Variants in RNF144A observed in about 807,000 individuals in gnomAD.
RNF144A encodes ring finger protein 144A.
A neutral mutation model predicts 38.7 loss-of-function variants in RNF144A; 11 were observed. The observed-to-expected ratio is 0.28, with a 90% confidence interval of 0.18 to 0.47. RNF144A has a LOEUF of 0.47. RNF144A is among the 20% of genes least tolerant of loss of function. The probability of loss-of-function intolerance (pLI) is 0.99; values close to 1 mark genes in which losing one functional copy is unlikely to be tolerated. For missense variants in RNF144A, 316 were observed against 377.2 expected (o/e 0.84, Z 1.34); for synonymous variants, 149 against 143.9 (o/e 1.04, Z -0.25).
chr2:6,994,982 C>T (rs1443382517), intron 2 of RNF144A, among the ~76,000 whole-genome samples: 2 of 152,144 alleles, frequency 1.3e-5, no homozygotes, highest in African/African-American at 4.8e-5. Context: ...TGTCACTGGG[C>T]CCCATCTGCT....
downstream of RNF144A, among the ~76,000 whole-genome samples, chr2:7,069,606 G>A (rs1238570674): frequency 1.3e-5 from 2 of 151,654 alleles, no homozygotes; most frequent in South Asian, 2.1e-4. Context: ...GTTCTTATTC[G>A]GGCAGCTTAA....
chr2:6,924,983 G>T, intron 1 of RNF144A, among the ~76,000 whole-genome samples: 1 of 152,196 alleles, frequency 6.6e-6, no homozygotes, highest in East Asian at 1.9e-4. Flanking sequence ...TTTGACGGAT[G>T]GAGAATGTCA....
chr2:6,991,742 C>T (rs779691237), intron 2 of RNF144A, among the ~76,000 whole-genome samples: 2 of 152,122 alleles, frequency 1.3e-5, no homozygotes, highest in African/African-American at 2.4e-5. Flanking sequence ...GTCTGATGTA[C>T]ATTTAACAGT....
chr2:6,956,798 T>C (rs1667029387), intron 2 of RNF144A, among the ~76,000 whole-genome samples: 1 of 152,228 alleles, frequency 6.6e-6, no homozygotes, highest in African/African-American at 2.4e-5. Context: ...TGATAAGCTT[T>C]CAGCAAATAC....
intron 2 of RNF144A, among the ~76,000 whole-genome samples, chr2:6,963,580 G>A (rs530684716): frequency 6.6e-6 from 1 of 152,112 alleles, no homozygotes; most frequent in East Asian, 1.9e-4. Context: ...AAAAATGACC[G>A]AACAAAAGAC....
At chr2:6,977,894 TAG>T (rs1668405794) in intron 2 of RNF144A, among the ~76,000 whole-genome samples, 1 of 152,296 alleles carries the variant, frequency 6.6e-6, no homozygotes, top group East Asian at 1.9e-4. Context: ...AATGAAAGCA[TAG>T]ATGGTAGTGA....
intron 2 of RNF144A, among the ~76,000 whole-genome samples, chr2:6,945,059 T>C (rs1666245248): frequency 6.6e-6 from 1 of 152,250 alleles, no homozygotes; most frequent in Non-Finnish European, 1.5e-5. Flanking sequence ...AGAAAAGAAA[T>C]TGTTGGTTAA....
rs1673143568 is a variant in RNF144A at position 7,042,998 on chromosome 2, G to T, written c.*3238G>T. 1.9e-6 allele frequency: 1 copy of T among 515,226 alleles called. No individual in the cohort carries two copies. Among genetic ancestry groups the T allele is most frequent in the Non-Finnish European group, 2.5e-6 (1 of 401,000 alleles). The allele number at this position is 515,226 out of a possible 1,614,324, so 31.9% of individuals were successfully genotyped here. ...TTCTCCTGCCTCAGCCTCCCAAGTA[G>T]CTGGGATTACAGGCACCCACCACCT... On this transcript the variant is annotated 3_prime_UTR_variant, in exon 9 of 9. Transcript: ENST00000320892.
At chr2:7,036,311 AC>A (rs2103456528) in intron 8 of RNF144A, among the ~76,000 whole-genome samples, 1 of 152,294 alleles carries the variant, frequency 6.6e-6, no homozygotes, top group South Asian at 2.1e-4. Context: ...AACTTTCTTT[AC>A]CCCAGTCCAT....
At chr2:7,056,372 G>C (rs1673737476) in intron 6 of RNF144A, among the ~76,000 whole-genome samples, 1 of 152,078 alleles carries the variant, frequency 6.6e-6, no homozygotes, top group Non-Finnish European at 1.5e-5. Flanking sequence ...AGGCAACTGT[G>C]AACCTCCCTC....
intron 1 of RNF144A, among the ~76,000 whole-genome samples, chr2:6,921,806 C>T (rs996533244): frequency 2.0e-5 from 3 of 152,046 alleles, no homozygotes; most frequent in Admixed American, 1.3e-4. Context: ...ATGGGAGGGA[C>T]GGGTCAGAGT....
At chr2:6,964,639 C>G (rs1035084251) in intron 2 of RNF144A, among the ~76,000 whole-genome samples, 9 of 152,144 alleles carry the variant, frequency 5.9e-5, no homozygotes, top group Non-Finnish European at 1.3e-4. Flanking sequence ...ACTACGCAGC[C>G]ATAAAAAATG....
chr2:6,974,818 G>A (rs757911235), intron 2 of RNF144A, among the ~76,000 whole-genome samples: 58 of 152,134 alleles, frequency 3.8e-4, no homozygotes, highest in Non-Finnish European at 7.1e-4. Context: ...TTGGAACTCC[G>A]AGTTAGCTCA....
At chr2:6,940,443 T>C (rs1311197923) in intron 1 of RNF144A, among the ~76,000 whole-genome samples, 1 of 152,244 alleles carries the variant, frequency 6.6e-6, no homozygotes, top group Admixed American at 6.5e-5. Flanking sequence ...TGAATTTATG[T>C]CTGCCATTGT....
At chr2:7,015,289 A>G (rs1671064156) in intron 5 of RNF144A, among the ~76,000 whole-genome samples, 1 of 152,224 alleles carries the variant, frequency 6.6e-6, no homozygotes, top group East Asian at 1.9e-4. Flanking sequence ...CAAGTCCCTT[A>G]TCCCAGTAAG....
At chr2:6,950,237 T>C (rs1666593994) in intron 2 of RNF144A, among the ~76,000 whole-genome samples, 1 of 152,204 alleles carries the variant, frequency 6.6e-6, no homozygotes. Context: ...TACTAATCTT[T>C]CCTTGCTATT....
chr2:7,048,003 G>C (rs534495980), downstream of RNF144A, among the ~76,000 whole-genome samples: 16 of 152,204 alleles, frequency 1.1e-4, no homozygotes, highest in South Asian at 4.1e-4. Context: ...CTGGCACACA[G>C]AGACTTGTCT....
At chr2:6,955,851 G>C (rs996427836) in intron 2 of RNF144A, among the ~76,000 whole-genome samples, 1 of 152,090 alleles carries the variant, frequency 6.6e-6, no homozygotes, top group Non-Finnish European at 1.5e-5. Flanking sequence ...CAGAGGGATT[G>C]ATTCTTTTCA....
At chr2:7,004,513 A>G (rs1670316442) in intron 3 of RNF144A, among the ~76,000 whole-genome samples, 1 of 152,166 alleles carries the variant, frequency 6.6e-6, no homozygotes, top group Non-Finnish European at 1.5e-5. Context: ...GAATTTCCTG[A>G]AAGAAGTTCA....
Sources: allele counts gnomAD v4.1 joint callset (sites outside exome capture counted in the v4.1 genomes callset), GRCh38; gene constraint gnomAD v4.1.1; transcripts MANE v1.5; gene names NCBI Gene and HGNC (gene_info 2026-07-23, HGNC 2026-07-21).